ARHGAP28: variants seen among roughly 807,000 people sequenced by gnomAD.
ARHGAP28 encodes the protein Rho GTPase activating protein 28.
ARHGAP28 carries 56 observed loss-of-function variants against 90.7 expected under a neutral mutation model. The observed-to-expected ratio is 0.62, with a 90% CI of 0.50 to 0.77. The LOEUF (loss-of-function observed/expected upper bound fraction) is 0.77, where lower values mean the gene tolerates loss of function less well. Among genes scored for constraint, ARHGAP28 ranks in the 30% least tolerant of loss-of-function variants. The probability of loss-of-function intolerance (pLI) is 0.00; values close to 1 mark genes in which losing one functional copy is unlikely to be tolerated. For synonymous variants in ARHGAP28, 308 were observed against 323.3 expected (o/e 0.95, Z 0.51); for missense variants, 869 against 900.9 (o/e 0.96, Z 0.45).
chr18:6,862,664 A>G (rs62082830), intron 5 of ARHGAP28, among the ~76,000 whole-genome samples: 1 of 152,056 alleles, frequency 6.6e-6, no homozygotes, highest in Non-Finnish European at 1.5e-5. Flanking sequence ...CCAGATGAAC[A>G]TAGAAAAAGG....
At chr18:6,846,094 G>A (rs557523459) in intron 3 of ARHGAP28, among the ~76,000 whole-genome samples, 1 of 152,180 alleles carries the variant, frequency 6.6e-6, no homozygotes, top group Non-Finnish European at 1.5e-5. Flanking sequence ...AGCGATAGAA[G>A]GACGGGGGTT....
intron 3 of ARHGAP28, among the ~76,000 whole-genome samples, chr18:6,842,012 A>G (rs1490249220): frequency 6.6e-6 from 1 of 152,028 alleles, no homozygotes; most frequent in Non-Finnish European, 1.5e-5. Flanking sequence ...ATATTTTCCA[A>G]GCTTATTTTG....
intron 1 of ARHGAP28, among the ~76,000 whole-genome samples, chr18:6,766,645 G>C (rs1232533115): frequency 4.6e-5 from 7 of 152,144 alleles, no homozygotes; most frequent in Admixed American, 4.6e-4. Context: ...GGACCCAAAA[G>C]TCCCAGACTC....
At chr18:6,894,430 C>T (rs2057290117) in intron 14 of ARHGAP28, among the ~76,000 whole-genome samples, 1 of 152,186 alleles carries the variant, frequency 6.6e-6, no homozygotes, top group Non-Finnish European at 1.5e-5. Context: ...ACAGGAAACA[C>T]TGTCCTGCAT....
At chr18:6,878,577 A>G (rs568218422) in intron 10 of ARHGAP28, among the ~76,000 whole-genome samples, 3 of 152,288 alleles carry the variant, frequency 2.0e-5, no homozygotes, top group Admixed American at 1.3e-4. Context: ...CTAATCTTCC[A>G]CTGAAAAATG....
At chr18:6,867,947 C>A (rs904580444) in intron 5 of ARHGAP28, among the ~76,000 whole-genome samples, 2 of 152,156 alleles carry the variant, frequency 1.3e-5, no homozygotes, top group Non-Finnish European at 2.9e-5. Flanking sequence ...ACATTGTTCC[C>A]TTTTGTGAAA....
At chr18:6,784,658 A>T (rs2056352497) in intron 1 of ARHGAP28, among the ~76,000 whole-genome samples, 1 of 152,220 alleles carries the variant, frequency 6.6e-6, no homozygotes, top group South Asian at 2.1e-4. Context: ...AGACATGATC[A>T]TAGTCAATTT....
intron 5 of ARHGAP28, among the ~76,000 whole-genome samples, chr18:6,863,528 G>T (rs2057014034): frequency 6.6e-6 from 1 of 151,614 alleles, no homozygotes; most frequent in Non-Finnish European, 1.5e-5. Context: ...ATTTTAACCT[G>T]TATTCTAGTA....
At chr18:6,792,463 G>A (rs77264809) in intron 1 of ARHGAP28, among the ~76,000 whole-genome samples, 1 of 152,180 alleles carries the variant, frequency 6.6e-6, no homozygotes, top group African/African-American at 2.4e-5. Flanking sequence ...TGAAAGTCCT[G>A]CATGACACAG....
intron 1 of ARHGAP28, among the ~76,000 whole-genome samples, chr18:6,801,588 C>T (rs1179308097): frequency 2.6e-5 from 4 of 151,804 alleles, no homozygotes; most frequent in African/African-American, 7.3e-5. Context: ...ATATATTGAT[C>T]AACTTGGGGA....
rs373725805 is a variant in ARHGAP28 at position 6,908,434 on chromosome 18, C to T, written c.2031-526C>T. Among the ~76,000 whole-genome samples, 20 of 152,216 alleles carry T rather than the reference C, an allele frequency of 1.3e-4. No individual in the cohort carries two copies. In the Middle Eastern group the frequency reaches 0.017, roughly 129 times the overall value. On this transcript the variant is annotated intron_variant, in intron 16 of 17. Coordinates refer to ENST00000383472, the MANE Select transcript of ARHGAP28 (RefSeq NM_001366230.1). ...AATTACAGGCATGAGCCACCGTGTC[C>T]GGCCGTGACTTGCTTTTATTATGGG...
At chr18:6,860,965 T>C (rs1600256967) in intron 5 of ARHGAP28, among the ~76,000 whole-genome samples, 1 of 152,246 alleles carries the variant, frequency 6.6e-6, no homozygotes, top group South Asian at 2.1e-4. Flanking sequence ...AGACCAGGCA[T>C]TGGGATGCAA....
chr18:6,799,503 A>G (rs1275756446), intron 1 of ARHGAP28, among the ~76,000 whole-genome samples: 4 of 152,246 alleles, frequency 2.6e-5, no homozygotes, highest in Non-Finnish European at 5.9e-5. Context: ...TACAGTAACC[A>G]AAACAGCATG....
intron 11 of ARHGAP28, among the ~76,000 whole-genome samples, chr18:6,885,765 T>C (rs2057215409): frequency 1.3e-5 from 2 of 151,658 alleles, no homozygotes; most frequent in South Asian, 4.2e-4. Context: ...GTCCCAAGCC[T>C]ACATCTGCAT....
chr18:6,890,094 C>A lies in ARHGAP28; in HGVS notation c.1734+9C>A. On this transcript the variant is annotated intron_variant, in intron 13 of 17. Transcript: ENST00000383472. ...AGAAGATTTTGTGGAAGGTGAGTGA[C>A]ATAGTGATGACAGGTCCCCCTCAGA... 1 of 1,614,006 alleles carries A rather than the reference C, an allele frequency of 6.2e-7. No homozygotes were observed. Among genetic ancestry groups the A allele is most frequent in the Non-Finnish European group, 8.5e-7 (1 of 1,179,914 alleles).
At chr18:6,816,917 A>G (rs989910881) in intron 1 of ARHGAP28, among the ~76,000 whole-genome samples, 1 of 151,570 alleles carries the variant, frequency 6.6e-6, no homozygotes, top group East Asian at 1.9e-4. Flanking sequence ...ACAAGACCTC[A>G]TCTGTACTAA....
chr18:6,909,260 CT>C (rs1394435222), intron 17 of ARHGAP28, among the ~76,000 whole-genome samples: 2 of 62,590 alleles, frequency 3.2e-5, no homozygotes, highest in African/African-American at 9.0e-5. Context: ...CTTTTCTTTT[CT>C]TTTCTTTTCT....
At chr18:6,865,680 G>A (rs1051050946) in intron 5 of ARHGAP28, among the ~76,000 whole-genome samples, 3 of 152,130 alleles carry the variant, frequency 2.0e-5, no homozygotes, top group African/African-American at 7.2e-5. Context: ...TATTGAATAT[G>A]GAGGACATAC....
At chr18:6,766,129 ATTG>A (rs1301424701) in intron 1 of ARHGAP28, among the ~76,000 whole-genome samples, 2 of 152,062 alleles carry the variant, frequency 1.3e-5, no homozygotes, top group Non-Finnish European at 2.9e-5. Context: ...GGCTGAGGCT[ATTG>A]TTTGTTTTCT....
Sources: gnomAD v4.1 joint callset for allele counts (sites outside exome capture counted in the v4.1 genomes callset) on GRCh38, gnomAD v4.1.1 for gene constraint, MANE v1.5 for transcripts, NCBI Gene and HGNC (gene_info 2026-07-23, HGNC 2026-07-21) for gene names.